The following ABCC10 variants were observed in gnomAD, a reference collection of about 807,000 sequenced individuals.
The protein encoded by ABCC10 is ATP binding cassette subfamily C member 10, also known as ATP-binding cassette sub-family C member 10.
Under a neutral mutation model 143.2 loss-of-function variants are expected in ABCC10, and 110 were observed. That is an observed-to-expected ratio of 0.77 (90% confidence interval 0.66 to 0.90). The LOEUF is 0.90. Among genes scored for constraint, ABCC10 ranks in the 40% least tolerant of loss-of-function variants. The probability of loss-of-function intolerance (pLI) is 0.00; values close to 1 mark genes in which losing one functional copy is unlikely to be tolerated. For synonymous variants in ABCC10, 805 were observed against 846.7 expected (o/e 0.95, Z 0.85); for missense variants, 1,700 against 1,900.5 (o/e 0.89, Z 1.96).
chr6:43,435,975 C>T (rs557635362), intron 5 of ABCC10, 68 bp downstream of exon 5: 209 of 1,604,656 alleles, frequency 1.3e-4, no homozygotes, highest in Non-Finnish European at 1.6e-4. Context: ...TTGGGTGCTG[C>T]GCATAGATGT....
Position 43,443,594 on chromosome 6 carries a change from C to T in ABCC10, c.2417-339C>T. On this transcript the variant is annotated intron_variant, in intron 10 of 21. Transcript: ENST00000372530. The surrounding 1 kb of genome is among the most constrained non-coding windows in gnomAD (Gnocchi z 4.2). ...GCCAGATATTAGGAATTGAGCGAAG[C>T]ATGAGAAAAAGCTCTGCAGTAATGA... The T allele has an allele frequency of 3.4e-6, 1 of 294,650 alleles. No individual in the cohort carries two copies. The highest frequency in any genetic ancestry group is 6.3e-6 in the Non-Finnish European group (1 of 158,018). The allele number at this position is 294,650 out of a possible 1,614,324, so 18.3% of individuals were successfully genotyped here.
In ABCC10 at chr6:43,434,802, T is replaced by C. The variant is rs150002758; in HGVS notation, c.1562T>C (p.Ile521Thr). Residue 521 changes from isoleucine (I) to threonine (T), a missense_variant, in exon 4 of 22, where the codon ATC (isoleucine) becomes ACC (threonine). By Grantham distance (89) the Ile-to-Thr change is moderately conservative (BLOSUM62 -1). Coordinates refer to ENST00000372530, the MANE Select transcript of ABCC10 (RefSeq NM_001198934.2). ...CTACCGGTTGTCATCTCCATCGTTA[T>C]CTTCATCACCTATGTCCTCATGGGG... ...AALPVVISIV[I>T]FITYVLMGHQ... is the part of the protein sequence containing the mutation. 8 of 1,614,038 alleles carry C rather than the reference T, an allele frequency of 5.0e-6. No individual in the cohort carries two copies. In the African/African-American group the frequency reaches 8.0e-5, roughly 16 times the overall value.
At chr6:43,444,975 CA>C (rs933588391) in intron 13 of ABCC10, 37 bp downstream of exon 13, 32 of 1,591,474 alleles carry the variant, frequency 2.0e-5, no homozygotes, top group Non-Finnish European at 2.7e-5. Context: ...CTGGTGCTCT[CA>C]GAGTGGTCGC....
At chr6:43,428,178 C>G (rs765001466) in intron 2 of ABCC10, 39 bp downstream of exon 2, 12 of 1,479,244 alleles carry the variant, frequency 8.1e-6, no homozygotes, top group Non-Finnish European at 1.1e-5. Flanking sequence ...TCCATGTGTG[C>G]CTGCAGATCT....
At chr6:43,439,677 G>A (rs1388168842) in intron 8 of ABCC10, among the ~76,000 whole-genome samples, 2 of 152,164 alleles carry the variant, frequency 1.3e-5, no homozygotes, top group Admixed American at 6.5e-5. Flanking sequence ...TCCGCCTCCT[G>A]GATTCAAGCG....
chr6:43,430,353 A>C (rs9472050), intron 2 of ABCC10, among the ~76,000 whole-genome samples: 1 of 151,936 alleles, frequency 6.6e-6, no homozygotes, highest in South Asian at 2.1e-4. Context: ...TGCCTCCCAA[A>C]GTGCTGGGAT....
rs764286146 is a variant in ABCC10, at chr6:43,449,913, A to T, written c.4317-16A>T. 6.2e-7 allele frequency: 1 copy of T among 1,613,756 alleles called. No homozygotes were observed. Among genetic ancestry groups the T allele is most frequent in the Non-Finnish European group, 8.5e-7 (1 of 1,179,964 alleles). Reference sequence around the variant, plus strand: ...TTGTCCCTCATCCCCTACACTGACCATCTTCCCCCTCACAGGCTCAACACG... The same window carrying T: ...TTGTCCCTCATCCCCTACACTGACCTTCTTCCCCCTCACAGGCTCAACACG... On this transcript the variant is annotated splice_polypyrimidine_tract_variant and intron_variant, in intron 21 of 21. Transcript: ENST00000372530.
intron 7 of ABCC10, chr6:43,438,279 C>A: frequency 8.1e-7 from 1 of 1,230,106 alleles, no homozygotes; most frequent in Non-Finnish European, 1.1e-6. Context: ...AGAAATGTGG[C>A]TGTGCAGAGA....
Position 43,432,705 on chromosome 6 carries a change from G to A in ABCC10, c.725G>A (p.Arg242Gln), listed in dbSNP as rs368479833. Residue 242 changes from arginine (R) to glutamine (Q), a missense_variant, in exon 3 of 22, where the codon CGG becomes CAG. By Grantham distance (43) the Arg-to-Gln change is conservative. Coordinates refer to ENST00000372530, the MANE Select transcript of ABCC10 (RefSeq NM_001198934.2). ...LLARGACGEL[R>Q]QPQDICRLPH... Reference sequence around the variant, plus strand: ...GCCCGTGGGGCCTGTGGAGAGCTCCGGCAGCCTCAGGACATTTGCCGCCTC... The same window carrying A: ...GCCCGTGGGGCCTGTGGAGAGCTCCAGCAGCCTCAGGACATTTGCCGCCTC... 1.7e-5 allele frequency: 28 copies of A among 1,613,898 alleles called. No homozygotes were observed. The highest frequency in any genetic ancestry group is 1.6e-4 in the Middle Eastern group (1 of 6,084).
At position 43,445,802 on chromosome 6, in the gene ABCC10, C is replaced by G; in HGVS notation, c.3234C>G (p.Tyr1078Ter). 6.2e-7 allele frequency: 1 copy of G among 1,614,104 alleles called. No homozygotes were observed. The highest frequency in any genetic ancestry group is 8.5e-7 in the Non-Finnish European group (1 of 1,180,038). The change falls in exon 15 of 22, where the codon TAC becomes TAG. Residue 1078 changes from tyrosine to a stop codon, truncating the protein, a stop_gained. Coordinates refer to ENST00000372530, the MANE Select transcript of ABCC10 (RefSeq NM_001198934.2). LOFTEE classifies it high-confidence loss of function. Reference protein sequence around the residue: ...LLLLPPLSIMYYHVQRHYRAS... With the variant: ...LLLLPPLSIM ...TGCTGCCGCCTTTGAGCATCATGTA[C>G]TATCACGTGCAGCGCCACTACAGGG...
At position 43,443,156 on chromosome 6, in the gene ABCC10, G is replaced by C. The variant is rs774708671; in HGVS notation, c.2413G>C (p.Ala805Pro). The C allele has an allele frequency of 6.3e-7, 1 of 1,595,572 alleles. No individual in the cohort carries two copies. Among genetic ancestry groups the C allele is most frequent in the Non-Finnish European group, 8.5e-7 (1 of 1,176,004 alleles). ...GATGGAGGCCGGGCGCCTCATCCGG[G>C]CTGGTAATGGGGGCAGGAGCCCCGT... Reference protein sequence around the residue: ...LLMEAGRLIRAGPPSEILPLV... With the variant: ...LLMEAGRLIRPGPPSEILPLV... The change falls in exon 10 of 22, where the codon GCT (alanine) becomes CCT (proline). Residue 805 changes from alanine to proline, a missense_variant. By Grantham distance (27) the Ala-to-Pro change is conservative (BLOSUM62 -1). Coordinates refer to ENST00000372530, the MANE Select transcript of ABCC10 (RefSeq NM_001198934.2). This position sits in a 1 kb window ranked among gnomAD's most constrained non-coding sequence, Gnocchi z 4.2.
downstream of ABCC10, chr6:43,450,919 T>C (rs748112349): frequency 6.2e-7 from 1 of 1,614,022 alleles, no homozygotes; most frequent in Non-Finnish European, 8.5e-7. The surrounding 1 kb of genome is among the most constrained non-coding windows in gnomAD (Gnocchi z 4.5). Flanking sequence ...TCCACTGTGG[T>C]TGGGGGGTCT....
chr6:43,440,656 G>A (rs1173212548), intron 8 of ABCC10, among the ~76,000 whole-genome samples: 2 of 151,884 alleles, frequency 1.3e-5, no homozygotes, highest in African/African-American at 4.8e-5. Flanking sequence ...GAGGTCAGGA[G>A]TTCGAGACCA....
Position 43,435,809 on chromosome 6 carries a change from G to A in ABCC10, c.1667G>A (p.Trp556Ter), listed in dbSNP as rs758669906. Residue 556 changes from tryptophan to a stop codon, truncating the protein, a stop_gained, in exon 5 of 22, where the codon TGG becomes TAG. Transcript: ENST00000372530. LOFTEE classifies it high-confidence loss of function. ...MLILPLNNFPWVINGLLEAKV... is the reference protein window; with the variant it reads ...MLILPLNNFP ...ATTCTTCCTCTCAACAACTTCCCTT[G>A]GGTGATCAATGGTCTCCTGGAGGCC... 6.2e-7 allele frequency: 1 copy of A among 1,614,176 alleles called. No homozygotes were observed. Among genetic ancestry groups the A allele is most frequent in the Non-Finnish European group, 8.5e-7 (1 of 1,180,040 alleles).
In ABCC10 at chr6:43,443,034, T is replaced by C. The variant is rs1782649930; in HGVS notation, c.2291T>C (p.Leu764Pro). The change falls in exon 10 of 22, where the codon CTG becomes CCG. Residue 764 changes from leucine to proline, a missense_variant. Coordinates refer to ENST00000372530, the MANE Select transcript of ABCC10 (RefSeq NM_001198934.2). The surrounding 1 kb of genome is among the most constrained non-coding windows in gnomAD (Gnocchi z 4.2). ...AAVDADVANH[L>P]LHRCILGMLS... Reference sequence around the variant, plus strand: ...GTGGATGCAGATGTGGCCAACCACCTGCTGCACAGGTGCATCCTGGGCATG... The same window carrying C: ...GTGGATGCAGATGTGGCCAACCACCCGCTGCACAGGTGCATCCTGGGCATG... The C allele has an allele frequency of 2.5e-6, 4 of 1,613,046 alleles. No homozygotes were observed. In the East Asian group the frequency reaches 8.9e-5, roughly 36 times the overall value.
At position 43,429,695 on chromosome 6, in the gene ABCC10, C is replaced by T. The variant is rs560642910; in HGVS notation, c.161+1556C>T. ...CAGGAGTTCGAGACCAGCCTGCCAA[C>T]GTGGCAGAATGCCATCTCTACTAAA... is the stretch of plus-strand genomic sequence containing the variant. On this transcript the variant is annotated intron_variant, in intron 2 of 21. Transcript: ENST00000372530. Among the ~76,000 whole-genome samples the T allele has an allele frequency of 7.2e-5, 11 of 152,174 alleles. 1 individual carries two copies. In the South Asian group the frequency reaches 1.7e-3, roughly 23 times the overall value.
At chr6:43,445,549 C>A in intron 14 of ABCC10, 50 bp from the exon 15 acceptor site, 2 of 1,540,538 alleles carry the variant, frequency 1.3e-6, no homozygotes, top group Non-Finnish European at 1.8e-6. Context: ...TGCCTGCCAA[C>A]CCCTCTTCTG....
In ABCC10 at chr6:43,436,236, G is replaced by A. The variant is rs762168388; in HGVS notation, c.1864G>A (p.Glu622Lys). Residue 622 changes from glutamate to lysine, a missense_variant, in exon 6 of 22, where the codon GAA (glutamate) becomes AAA (lysine). Coordinates refer to ENST00000372530, the MANE Select transcript of ABCC10 (RefSeq NM_001198934.2). ...CCTGGAGACCTTCATCAGTCATCTC[G>A]AAGTGAAAAAGGTTTGTTGGACAGA... ...TSLETFISHL[E>K]VKKGMLVGIV... The A allele has an allele frequency of 1.1e-5, 18 of 1,613,804 alleles. No individual in the cohort carries two copies. Among genetic ancestry groups the A allele is most frequent in the Admixed American group, 1.7e-5 (1 of 59,982 alleles).
chr6:43,445,204 A>T lies in ABCC10; in HGVS notation c.2920A>T (p.Ile974Phe). 1 of 1,613,896 alleles carries T rather than the reference A, an allele frequency of 6.2e-7. No homozygotes were observed. The highest frequency in any genetic ancestry group is 8.5e-7 in the Non-Finnish European group (1 of 1,179,946). ...TTTCTACCTCACCGTGTATGCGACC[A>T]TTGCTGGTGTAAATTCCCTCTGCAC... is the stretch of plus-strand genomic sequence containing the variant. ...IRFYLTVYAT[I>F]AGVNSLCTLL... The change falls in exon 14 of 22, where the codon ATT becomes TTT. Residue 974 changes from isoleucine (I) to phenylalanine (F), a missense_variant. Transcript: ENST00000372530.
Sources: allele counts gnomAD v4.1 joint callset (sites outside exome capture counted in the v4.1 genomes callset), GRCh38; gene constraint gnomAD v4.1.1; non-coding constraint Gnocchi (gnomAD v3.1); transcripts MANE v1.5; gene names NCBI Gene and HGNC (gene_info 2026-07-23, HGNC 2026-07-21).